Variants in CDH13 observed in about 807,000 individuals in gnomAD.
The protein encoded by CDH13 is cadherin-13.
CDH13 carries 24 observed loss-of-function variants against 63.8 expected under a neutral mutation model. The observed-to-expected ratio is 0.38, with a 90% CI of 0.27 to 0.53. The LOEUF (loss-of-function observed/expected upper bound fraction) is 0.53. Ranked by LOEUF, CDH13 falls within the 20% of genes least tolerant of loss-of-function variation. The pLI is 0.85. For synonymous variants in CDH13, 503 were observed against 355.3 expected, an observed-to-expected ratio of 1.42 and a Z score of -4.67; for missense variants, 1,049 against 903.1, an observed-to-expected ratio of 1.16 and a Z score of -2.07.
At chr16:83,660,861 G>A (rs1268258450) in intron 8 of CDH13, among the ~76,000 whole-genome samples, 1 of 151,992 alleles carries the variant, frequency 6.6e-6, no homozygotes, top group East Asian at 1.9e-4. Context: ...ATTTTTTAAA[G>A]AGAGAAACTC....
intron 5 of CDH13, among the ~76,000 whole-genome samples, chr16:83,286,972 C>A (rs979602243): frequency 2.0e-5 from 3 of 151,960 alleles, no homozygotes; most frequent in Admixed American, 2.0e-4. Flanking sequence ...ATAACCTGTA[C>A]CCCATAGATG....
chr16:83,271,236 T>C (rs1333923127), intron 5 of CDH13, among the ~76,000 whole-genome samples: 1 of 151,728 alleles, frequency 6.6e-6, no homozygotes, highest in African/African-American at 2.4e-5. Context: ...GTATCCTTTC[T>C]GGATGAAGTC....
chr16:82,723,368 T>C (rs936655489), intron 1 of CDH13, among the ~76,000 whole-genome samples: 1 of 152,194 alleles, frequency 6.6e-6, no homozygotes, highest in Non-Finnish European at 1.5e-5. Context: ...TGGCTAGTTA[T>C]TCACCAGCTC....
At chr16:83,107,836 T>A (rs533701934) in intron 3 of CDH13, among the ~76,000 whole-genome samples, 8 of 152,230 alleles carry the variant, frequency 5.3e-5, no homozygotes, top group African/African-American at 1.9e-4. Context: ...TTTTCTTTTC[T>A]TGAGACGGCA....
chr16:83,059,653 G>A (rs2031314478), intron 3 of CDH13, among the ~76,000 whole-genome samples: 1 of 152,048 alleles, frequency 6.6e-6, no homozygotes, highest in African/African-American at 2.4e-5. Context: ...AGAAAACTGA[G>A]GCTAGCAGGC....
chr16:82,641,618 C>T (rs1909408441), intron 1 of CDH13, among the ~76,000 whole-genome samples: 1 of 152,148 alleles, frequency 6.6e-6, no homozygotes, highest in African/African-American at 2.4e-5. Context: ...ATGAATAAGC[C>T]AGTTGAGGTC....
At chr16:83,075,688 C>A (rs2151551044) in intron 3 of CDH13, among the ~76,000 whole-genome samples, 1 of 152,288 alleles carries the variant, frequency 6.6e-6, no homozygotes, top group African/African-American at 2.4e-5. Context: ...CAAGGAAATG[C>A]TGTATTTTAG....
intron 2 of CDH13, among the ~76,000 whole-genome samples, chr16:83,017,995 G>A (rs1914968626): frequency 1.3e-5 from 2 of 152,126 alleles, no homozygotes; most frequent in Admixed American, 1.3e-4. Context: ...TAAATTTTAT[G>A]TGAAAAAACT....
chr16:83,707,482 A>G (rs1907256684), intron 10 of CDH13, among the ~76,000 whole-genome samples: 1 of 152,152 alleles, frequency 6.6e-6, no homozygotes, highest in African/African-American at 2.4e-5. Flanking sequence ...GTTGACTTTA[A>G]TTTGACTTGT....
intron 1 of CDH13, among the ~76,000 whole-genome samples, chr16:82,792,573 G>A (rs1227866225): frequency 1.3e-5 from 2 of 151,974 alleles, no homozygotes; most frequent in Non-Finnish European, 2.9e-5. Context: ...AGACTATAAG[G>A]CCCCCTAGAT....
In CDH13 at chr16:83,471,106, A is replaced by G. The variant is rs1012563963; in HGVS notation, c.782-15371A>G. On this transcript the variant is annotated intron_variant, in intron 6 of 13. Transcript: ENST00000567109. ...TCTGACTCCCATGTCTCTCTCTTAC[A>G]AGGACCTTGTTGGGCCCACCCAGAT... Among the ~76,000 whole-genome samples the G allele has an allele frequency of 4.1e-4, 62 of 151,870 alleles. 1 individual carries two copies. The highest frequency in any genetic ancestry group is 6.8e-3 in the Middle Eastern group (2 of 294).
intron 1 of CDH13, among the ~76,000 whole-genome samples, chr16:82,746,748 C>T (rs775950988): frequency 6.6e-6 from 1 of 151,910 alleles, no homozygotes; most frequent in Admixed American, 6.6e-5. Context: ...AAAATTTTTA[C>T]TTGAAAAAAA....
At chr16:83,216,038 T>G (rs1313099980) in intron 4 of CDH13, among the ~76,000 whole-genome samples, 1 of 150,998 alleles carries the variant, frequency 6.6e-6, no homozygotes, top group Non-Finnish European at 1.5e-5. Flanking sequence ...TCTACATGCT[T>G]AAGCATATGC....
chr16:82,816,449 A>G (rs1216930473), intron 1 of CDH13, among the ~76,000 whole-genome samples: 2 of 152,152 alleles, frequency 1.3e-5, no homozygotes, highest in East Asian at 1.9e-4. Context: ...GGCAAAGGCT[A>G]TGGAGAAATC....
At chr16:83,182,159 C>G (rs1398691873) in intron 4 of CDH13, among the ~76,000 whole-genome samples, 53 of 152,282 alleles carry the variant, frequency 3.5e-4, no homozygotes, top group Admixed American at 3.4e-3. Context: ...TTACCTGATG[C>G]ATTTTGAAAG....
chr16:82,761,537 G>A (rs142934323), intron 1 of CDH13, among the ~76,000 whole-genome samples: 7 of 152,204 alleles, frequency 4.6e-5, no homozygotes, highest in Non-Finnish European at 7.3e-5. Flanking sequence ...TTTGGGATCA[G>A]TTGGTTTCAT....
chr16:83,288,717 A>G (rs147274063), intron 5 of CDH13, among the ~76,000 whole-genome samples: 2 of 152,354 alleles, frequency 1.3e-5, no homozygotes, highest in African/African-American at 4.8e-5. Context: ...CACACCCACA[A>G]AAATTATTTT....
intron 6 of CDH13, among the ~76,000 whole-genome samples, chr16:83,357,493 G>T (rs577377252): frequency 6.6e-6 from 1 of 152,108 alleles, no homozygotes; most frequent in South Asian, 2.1e-4. Context: ...TAAAACTCAG[G>T]TAACCCAAGA....
intron 5 of CDH13, among the ~76,000 whole-genome samples, chr16:83,267,074 T>G (rs1267566963): frequency 6.6e-6 from 1 of 152,204 alleles, no homozygotes; most frequent in Non-Finnish European, 1.5e-5. Context: ...TGTTAAGAAT[T>G]TGTTAGGGAG....
Sources: gnomAD v4.1 joint callset for allele counts (sites outside exome capture counted in the v4.1 genomes callset) on GRCh38, gnomAD v4.1.1 for gene constraint, MANE v1.5 for transcripts, NCBI Gene and HGNC (gene_info 2026-07-23, HGNC 2026-07-21) for gene names.